The following OR56A3 variants were observed in gnomAD, a reference collection of about 807,000 sequenced individuals.
The protein encoded by OR56A3 is olfactory receptor family 56 subfamily A member 3, also known as olfactory receptor 56A3.
In OR56A3, 23 loss-of-function variants were observed where a neutral mutation model predicts 17.5. The observed-to-expected ratio is 1.32, with a 90% confidence interval of 0.95 to 1.87. OR56A3 has a LOEUF of 1.87. Ranked by LOEUF, OR56A3 falls within the 40% of genes most tolerant of loss-of-function variation. The pLI is 0.00. For synonymous variants in OR56A3, 175 were observed against 150.6 expected (o/e 1.16, Z -1.19); for missense variants, 366 against 380.1 (o/e 0.96, Z 0.31).
chr11:5,986,071 G>C, the OR56A3 span: 1 of 1,613,918 alleles, frequency 6.2e-7, no homozygotes, highest in Admixed American at 1.7e-5. Flanking sequence ...GACATGATGG[G>C]GTACATGATG....
chr11:6,002,572 C>G, the OR56A3 span: 2 of 1,614,202 alleles, frequency 1.2e-6, no homozygotes, highest in Non-Finnish European at 1.7e-6. Context: ...ACAAACTGGT[C>G]AGTGATGATA....
the OR56A3 span, among the ~76,000 whole-genome samples, chr11:6,015,564 G>C: frequency 1.3e-5 from 2 of 152,248 alleles, no homozygotes; most frequent in African/African-American, 4.8e-5. Flanking sequence ...CAGCCTGTGA[G>C]AACAGTGGGG....
chr11:6,005,729 C>A, the OR56A3 span, among the ~76,000 whole-genome samples: 1 of 152,186 alleles, frequency 6.6e-6, no homozygotes, highest in Non-Finnish European at 1.5e-5. Context: ...GAGGTGGCAC[C>A]TTCTCATTGT....
At chr11:6,009,138 T>C in the OR56A3 span, among the ~76,000 whole-genome samples, 1 of 152,202 alleles carries the variant, frequency 6.6e-6, no homozygotes, top group Non-Finnish European at 1.5e-5. Flanking sequence ...AAGTCACCAG[T>C]TAACACAAAG....
At chr11:5,991,568 A>T in the OR56A3 span, among the ~76,000 whole-genome samples, 1 of 152,132 alleles carries the variant, frequency 6.6e-6, no homozygotes, top group Non-Finnish European at 1.5e-5. Flanking sequence ...TAAGCTTAAG[A>T]CTACTAAGAA....
At chr11:5,967,717 C>G in the OR56A3 span, 1 of 1,612,832 alleles carries the variant, frequency 6.2e-7, no homozygotes, top group Non-Finnish European at 8.5e-7. Flanking sequence ...ATGACCAGAA[C>G]CAGCAGGACT....
chr11:6,007,363 A>G, the OR56A3 span, among the ~76,000 whole-genome samples: 1 of 152,220 alleles, frequency 6.6e-6, no homozygotes, highest in African/African-American at 2.4e-5. Context: ...ACAAGTATGA[A>G]TAAGTTCTAG....
At chr11:5,992,044 C>A in the OR56A3 span, among the ~76,000 whole-genome samples, 1 of 152,196 alleles carries the variant, frequency 6.6e-6, no homozygotes, top group Admixed American at 6.5e-5. Flanking sequence ...TACCTGTAAG[C>A]CTGTATGTCC....
At chr11:5,945,686 A>C (rs1847865870) in intron 2 of OR56A3, among the ~76,000 whole-genome samples, 1 of 152,098 alleles carries the variant, frequency 6.6e-6, no homozygotes, top group African/African-American at 2.4e-5. Context: ...GAATAATAAC[A>C]TATGGGCAGT....
chr11:6,011,063 G>C, the OR56A3 span, among the ~76,000 whole-genome samples: 142 of 152,160 alleles, frequency 9.3e-4, no homozygotes, highest in African/African-American at 3.3e-3. Context: ...AAACCCCTTT[G>C]TGTAAAAACT....
chr11:5,946,291 G>A (rs894219466), intron 2 of OR56A3, among the ~76,000 whole-genome samples: 12 of 152,078 alleles, frequency 7.9e-5, no homozygotes, highest in South Asian at 4.1e-4. Context: ...ATTCATTCTC[G>A]TTACACCCAT....
downstream of OR56A3, among the ~76,000 whole-genome samples, chr11:5,955,208 C>T (rs889294389): frequency 3.3e-5 from 5 of 152,052 alleles, no homozygotes; most frequent in African/African-American, 1.2e-4. Context: ...ATGTAACTAG[C>T]ACTGGAATAA....
chr11:5,983,486 C>T, the OR56A3 span, among the ~76,000 whole-genome samples: 8 of 151,814 alleles, frequency 5.3e-5, no homozygotes, highest in African/African-American at 1.9e-4. Flanking sequence ...AAAAAATCTC[C>T]TGCCCCTGCT....
chr11:5,955,908 C>T (rs560138578), downstream of OR56A3, among the ~76,000 whole-genome samples: 6 of 152,238 alleles, frequency 3.9e-5, no homozygotes, highest in South Asian at 2.1e-4. Context: ...ATTTGCCCTA[C>T]GAATACTTGC....
At chr11:5,962,531 CTTTT>C in the OR56A3 span, among the ~76,000 whole-genome samples, 3 of 128,406 alleles carry the variant, frequency 2.3e-5, no homozygotes, top group Admixed American at 8.1e-5. Flanking sequence ...CTGGGCTTTT[CTTTT>C]TTTTTTTTTT....
chr11:6,000,895 T>C, the OR56A3 span: 1 of 152,340 alleles, frequency 6.6e-6, no homozygotes, highest in African/African-American at 2.4e-5. Flanking sequence ...GAGATATTTA[T>C]TTTAATGCAA....
At chr11:6,008,519 G>A in the OR56A3 span, among the ~76,000 whole-genome samples, 1 of 151,984 alleles carries the variant, frequency 6.6e-6, no homozygotes, top group East Asian at 1.9e-4. Context: ...ATCATGGGAA[G>A]GTTGGGAAGA....
the OR56A3 span, among the ~76,000 whole-genome samples, chr11:5,963,502 G>T: frequency 2.0e-5 from 3 of 152,056 alleles, no homozygotes; most frequent in East Asian, 5.8e-4. Context: ...TTTTCACTCA[G>T]CACTTTGAAT....
Position 5,948,045 on chromosome 11 carries a change from G to A in OR56A3, c.699G>A (p.Lys233=), listed in dbSNP as rs1590446406. Residue 233 remains lysine, a synonymous_variant, in exon 3 of 3, where the codon AAG becomes AAA. Coordinates refer to ENST00000641160, the MANE Select transcript of OR56A3 (RefSeq NM_001003443.3). The part of the protein sequence containing the change: ...TFILRAVLRL[K]AEGAVAKALS... ...TTCTGCGAGCTGTGCTGAGACTCAA[G>A]GCAGAGGGTGCCGTGGCAAAGGCCC... 2 of 1,614,088 alleles carry A rather than the reference G, an allele frequency of 1.2e-6. No homozygotes were observed. The highest frequency in any genetic ancestry group is 2.7e-5 in the African/African-American group (2 of 74,930).
Sources: allele counts gnomAD v4.1 joint callset (sites outside exome capture counted in the v4.1 genomes callset), GRCh38; gene constraint gnomAD v4.1.1; transcripts MANE v1.5; gene names NCBI Gene and HGNC (gene_info 2026-07-23, HGNC 2026-07-21).